Variants in TEX36 observed in about 807,000 individuals in gnomAD.
The protein encoded by TEX36 is testis expressed 36, also known as testis-expressed protein 36.
A neutral mutation model predicts 13.6 loss-of-function variants in TEX36; 12 were observed. That is an observed-to-expected ratio of 0.88 (90% CI 0.56 to 1.43). TEX36 has a LOEUF of 1.43. Ranked by LOEUF, TEX36 falls within the 40% of genes most tolerant of loss-of-function variation. The pLI is 0.00. For synonymous variants in TEX36, 93 were observed against 83.0 expected (o/e 1.12, Z -0.65); for missense variants, 224 against 228.3 (o/e 0.98, Z 0.12).
intron 3 of TEX36, among the ~76,000 whole-genome samples, chr10:125,642,513 T>A (rs553589311): frequency 6.6e-6 from 1 of 152,282 alleles, no homozygotes; most frequent in Admixed American, 6.5e-5. Flanking sequence ...CATTTGATAT[T>A]CTCTTTATTT....
chr10:125,599,739 T>A (rs1329839732), intron 3 of TEX36, among the ~76,000 whole-genome samples: 1 of 152,234 alleles, frequency 6.6e-6, no homozygotes. Context: ...ATTGTATTTG[T>A]GCAAATACTA....
intron 3 of TEX36, among the ~76,000 whole-genome samples, chr10:125,587,035 G>A (rs935183179): frequency 6.6e-6 from 1 of 152,170 alleles, no homozygotes; most frequent in Non-Finnish European, 1.5e-5. Context: ...TCCTGTGCCT[G>A]CCATGTAGAC....
Position 125,683,090 on chromosome 10 carries a change from G to T in TEX36, c.-101C>A. Reference sequence around the variant, plus strand: ...TTCCTAAACTTCATAAGCTCTACACGTCTGGGAAGCTCCTCCTCCTCCTTG... The same window carrying T: ...TTCCTAAACTTCATAAGCTCTACACTTCTGGGAAGCTCCTCCTCCTCCTTG... On this transcript the variant is annotated 5_prime_UTR_variant, in exon 1 of 4. Transcript: ENST00000368821. 1 of 1,324,092 alleles carries T rather than the reference G, an allele frequency of 7.6e-7. No individual in the cohort carries two copies. The highest frequency in any genetic ancestry group is 1.1e-6 in the Non-Finnish European group (1 of 940,066). 82.0% of individuals were successfully genotyped at this position (1,324,092 alleles called of 1,614,324 possible).
intron 1 of TEX36, among the ~76,000 whole-genome samples, chr10:125,662,832 G>A (rs1847068625): frequency 6.6e-6 from 1 of 152,202 alleles, no homozygotes; most frequent in African/African-American, 2.4e-5. Flanking sequence ...CATGCTCCCA[G>A]CAGCCAGAGT....
In TEX36 at chr10:125,587,854, G is replaced by A. The variant is rs934730456; in HGVS notation, c.265-10980C>T. 5.4e-5 allele frequency among the ~76,000 whole-genome samples: 8 copies of A among 148,364 alleles called. 1 individual carries two copies. The highest frequency in any genetic ancestry group is 1.7e-4 in the African/African-American group (7 of 40,314). ...CAGACACACACACACATATACACAC[G>A]TATCCTTCTCATTATAACTATAACA... On this transcript the variant is annotated intron_variant, in intron 3 of 3. Transcript: ENST00000532135.
intron 3 of TEX36, among the ~76,000 whole-genome samples, chr10:125,638,351 T>C (rs926417159): frequency 7.9e-5 from 12 of 150,984 alleles, no homozygotes; most frequent in Non-Finnish European, 1.5e-5. Context: ...AAAAAAATCC[T>C]AAAAAAGAAA....
intron 3 of TEX36, among the ~76,000 whole-genome samples, chr10:125,600,246 C>T (rs1001545472): frequency 2.1e-4 from 32 of 151,998 alleles, no homozygotes; most frequent in African/African-American, 5.6e-4. Flanking sequence ...GAGTTGGCTG[C>T]GGGGATGAAT....
chr10:125,578,006 C>T (rs1428638447), intron 3 of TEX36, among the ~76,000 whole-genome samples: 3 of 152,226 alleles, frequency 2.0e-5, no homozygotes, highest in Admixed American at 2.0e-4. Context: ...CTATATTTAT[C>T]AGCATTATAG....
intron 3 of TEX36, among the ~76,000 whole-genome samples, chr10:125,658,139 T>A (rs754865299): frequency 1.1e-3 from 163 of 152,250 alleles, no homozygotes; most frequent in Middle Eastern, 3.4e-3. Flanking sequence ...CGATTTTTTT[T>A]AAAACTCTGC....
intron 3 of TEX36, among the ~76,000 whole-genome samples, chr10:125,603,658 G>A (rs1846178065): frequency 6.6e-6 from 1 of 152,204 alleles, no homozygotes; most frequent in African/African-American, 2.4e-5. Context: ...CTGTGGCAGG[G>A]CATGCAGCCA....
downstream of TEX36, chr10:125,655,684 T>C (rs546979843): frequency 8.1e-7 from 1 of 1,239,736 alleles, no homozygotes; most frequent in East Asian, 3.3e-5. Flanking sequence ...TTTTTAAAAC[T>C]CCCCAAAAGT....
At chr10:125,664,935 T>C (rs930910074) in intron 1 of TEX36, among the ~76,000 whole-genome samples, 1 of 152,348 alleles carries the variant, frequency 6.6e-6, no homozygotes, top group Admixed American at 6.5e-5. Flanking sequence ...GATATCTCAT[T>C]GTAGCTTGGA....
intron 3 of TEX36, chr10:125,640,343 A>G (rs911686425): frequency 2.2e-5 from 8 of 368,908 alleles, no homozygotes; most frequent in Non-Finnish European, 3.0e-5. Flanking sequence ...ATTTGAGGTT[A>G]TTTTGGTTAC....
At chr10:125,661,825 T>C in intron 2 of TEX36, 21 bp downstream of exon 2, 1 of 1,551,590 alleles carries the variant, frequency 6.4e-7, no homozygotes, top group Non-Finnish European at 8.7e-7. Context: ...CACATGGCAG[T>C]GGCCAGTGTT....
intron 3 of TEX36, among the ~76,000 whole-genome samples, chr10:125,647,046 G>A (rs544106604): frequency 7.8e-4 from 118 of 152,242 alleles, no homozygotes; most frequent in Non-Finnish European, 7.9e-4. Context: ...TGAATGTATC[G>A]AAAGCATAAT....
intron 3 of TEX36, among the ~76,000 whole-genome samples, chr10:125,598,579 A>C (rs553878134): frequency 6.6e-6 from 1 of 152,192 alleles, no homozygotes; most frequent in Non-Finnish European, 1.5e-5. Flanking sequence ...CCTAATTTTC[A>C]TGCAAAGAAA....
intron 1 of TEX36, among the ~76,000 whole-genome samples, chr10:125,677,193 A>G (rs1847326248): frequency 6.6e-6 from 1 of 152,120 alleles, no homozygotes; most frequent in Non-Finnish European, 1.5e-5. Context: ...ACCTTTTTGT[A>G]TTGTATCTGC....
intron 3 of TEX36, among the ~76,000 whole-genome samples, chr10:125,624,385 A>G (rs1846461904): frequency 6.6e-6 from 1 of 152,108 alleles, no homozygotes; most frequent in African/African-American, 2.4e-5. Context: ...AAGTGGGGAA[A>G]CCCAGGGGCA....
chr10:125,613,494 T>C (rs1240919026), intron 3 of TEX36, among the ~76,000 whole-genome samples: 3 of 134,016 alleles, frequency 2.2e-5, no homozygotes, highest in African/African-American at 5.7e-5. Context: ...TGTGTTCTCA[T>C]TGTTCAATTC....
Sources: gnomAD v4.1 joint callset for allele counts (sites outside exome capture counted in the v4.1 genomes callset) on GRCh38, gnomAD v4.1.1 for gene constraint, MANE v1.5 for transcripts, NCBI Gene and HGNC (gene_info 2026-07-23, HGNC 2026-07-21) for gene names.